The following PCDHGA2 variants were observed in gnomAD, a reference collection of about 807,000 sequenced individuals.
PCDHGA2 encodes the protein protocadherin gamma-A2.
PCDHGA2 carries 40 observed loss-of-function variants against 59.2 expected under a neutral mutation model. That is an observed-to-expected ratio of 0.68 (90% CI 0.52 to 0.88). The LOEUF is 0.88. Ranked by LOEUF, PCDHGA2 falls within the 40% of genes least tolerant of loss-of-function variation. The pLI is 0.00. For synonymous variants in PCDHGA2, 560 were observed against 526.0 expected (o/e 1.06, Z -0.89); for missense variants, 1,226 against 1,204.0 (o/e 1.02, Z -0.27).
intron 1 of PCDHGA2, chr5:141,384,370 T>C (rs769961814): frequency 1.9e-6 from 3 of 1,613,926 alleles, no homozygotes; most frequent in South Asian, 2.2e-5. Context: ...CACTTATTCC[T>C]TGGCCGAAGA....
chr5:141,456,426 A>G (rs2098857765), intron 1 of PCDHGA2, among the ~76,000 whole-genome samples: 1 of 152,210 alleles, frequency 6.6e-6, no homozygotes, highest in Non-Finnish European at 1.5e-5. Context: ...AATTCAAGTT[A>G]TAGTATTGAG....
chr5:141,357,324 C>T (rs1234132409), intron 1 of PCDHGA2: 1 of 1,613,980 alleles, frequency 6.2e-7, no homozygotes, highest in African/African-American at 1.3e-5. Context: ...TGGCTTTTGT[C>T]ACGGTGCTGC....
chr5:141,383,948 C>A, intron 1 of PCDHGA2: 1 of 1,613,600 alleles, frequency 6.2e-7, no homozygotes, highest in South Asian at 1.1e-5. Flanking sequence ...GTGACTATGA[C>A]GTCTTTAAGT....
At chr5:141,365,821 G>T (rs756787528) in intron 1 of PCDHGA2, 1 of 1,613,908 alleles carries the variant, frequency 6.2e-7, no homozygotes, top group East Asian at 2.2e-5. Flanking sequence ...ACACATTTCA[G>T]GGGGCGCCCT....
chr5:141,510,834 G>T, intron 3 of PCDHGA2, 113 bp from the exon 4 acceptor site: 1 of 1,581,880 alleles, frequency 6.3e-7, no homozygotes. Flanking sequence ...AGTGCTCAGC[G>T]TGGTCAAGGC....
rs1421670958 is a variant in PCDHGA2, at chr5:141,432,558, A to C, written c.2425-62249A>C. ...GTGGCGGTGGACAGAGACTCCGGCC[A>C]GAACGCCTGGCTGTCCTACCGTCTG... On this transcript the variant is annotated intron_variant, in intron 1 of 3. Transcript: ENST00000394576. This position sits in a 1 kb window ranked among gnomAD's most constrained non-coding sequence, Gnocchi z 6.0. The C allele has an allele frequency of 1.9e-6, 3 of 1,613,756 alleles. No individual in the cohort carries two copies. The highest frequency in any genetic ancestry group is 2.2e-5 in the South Asian group (2 of 91,060).
At chr5:141,415,982 T>G in intron 1 of PCDHGA2, 1 of 342,492 alleles carries the variant, frequency 2.9e-6, no homozygotes, top group Non-Finnish European at 4.9e-6. Flanking sequence ...AGCAACCCTC[T>G]TGTTCTGAAG....
intron 1 of PCDHGA2, chr5:141,372,658 G>A: frequency 1.9e-6 from 3 of 1,614,020 alleles, no homozygotes; most frequent in African/African-American, 1.3e-5. Context: ...TACAATCCGT[G>A]TGCTGCCTCA....
chr5:141,508,777 AG>A (rs1428861784), intron 3 of PCDHGA2, among the ~76,000 whole-genome samples: 3 of 150,778 alleles, frequency 2.0e-5, no homozygotes, highest in Non-Finnish European at 4.4e-5. Context: ...TCCCCCCTCT[AG>A]CCCCTAAATC....
At chr5:141,399,402 G>T (rs2093800599) in intron 1 of PCDHGA2, 2 of 1,613,898 alleles carry the variant, frequency 1.2e-6, no homozygotes, top group Non-Finnish European at 1.7e-6. Context: ...ACAGGGGCAA[G>T]CCGCCCCTCT....
chr5:141,422,750 T>C (rs778578440), intron 1 of PCDHGA2: 4 of 1,611,900 alleles, frequency 2.5e-6, no homozygotes, highest in Non-Finnish European at 3.4e-6. Flanking sequence ...TATGTCTCTA[T>C]TAACTCCAAC....
chr5:141,348,420 A>G (rs557706191), intron 1 of PCDHGA2, among the ~76,000 whole-genome samples: 3 of 152,358 alleles, frequency 2.0e-5, no homozygotes, highest in South Asian at 2.1e-4. Flanking sequence ...AAAGGCACGT[A>G]ACTTTTAACA....
At chr5:141,422,498 C>G in intron 1 of PCDHGA2, 1 of 1,613,966 alleles carries the variant, frequency 6.2e-7, no homozygotes. Context: ...ATAACGTTGA[C>G]AGCCACAGAC....
intron 1 of PCDHGA2, chr5:141,427,780 TGTCGTCCTAC>T (rs892399327): frequency 8.9e-6 from 13 of 1,455,886 alleles, no homozygotes; most frequent in Middle Eastern, 1.7e-4. Context: ...CTGCGGGCAC[TGTCGTCCTAC>T]GTGTCCGTGA....
rs181495329 is a variant in PCDHGA2, at chr5:141,489,120, G to A, written c.2425-5687G>A. ...AACTGCTGCAAGCAGGCAAACCTCC[G>A]AGCAGTTTTTAAGAGGCTGGAAGGA... is the stretch of plus-strand genomic sequence containing the variant. On this transcript the variant is annotated intron_variant, in intron 1 of 3. Coordinates refer to ENST00000394576, the MANE Select transcript of PCDHGA2 (RefSeq NM_018915.4). This position sits in a 1 kb window ranked among gnomAD's most constrained non-coding sequence, Gnocchi z 4.5. 1.8e-5 allele frequency: 8 copies of A among 445,672 alleles called. No homozygotes were observed. The East Asian group carries it at 1.9e-4, about 11-fold the overall frequency. The allele number at this position is 445,672 out of a possible 1,614,324, so 27.6% of individuals were successfully genotyped here.
rs1334650353 is a variant in PCDHGA2, at chr5:141,493,099, A to T, written c.2425-1708A>T. Among the ~76,000 whole-genome samples, 1 of 152,192 alleles carries T rather than the reference A, an allele frequency of 6.6e-6. No homozygotes were observed. Among genetic ancestry groups the T allele is most frequent in the East Asian group, 1.9e-4 (1 of 5,198 alleles). On this transcript the variant is annotated intron_variant, in intron 1 of 3. Coordinates refer to ENST00000394576, the MANE Select transcript of PCDHGA2 (RefSeq NM_018915.4). This position sits in a 1 kb window ranked among gnomAD's most constrained non-coding sequence, Gnocchi z 4.3. ...CTCCAGGAGCTTTTATTCAAAATAT[A>T]TCAATGCCTAACTCTGCTCCTAGGA... is the stretch of plus-strand genomic sequence containing the variant.
intron 1 of PCDHGA2, among the ~76,000 whole-genome samples, chr5:141,463,346 C>G (rs963070531): frequency 6.7e-6 from 1 of 150,312 alleles, no homozygotes; most frequent in Non-Finnish European, 1.5e-5. Context: ...TGGTGTTATT[C>G]TTGGATTTCC....
rs915039012 is a variant in PCDHGA2 at position 141,372,538 on chromosome 5, T to A, written c.2424+31143T>A. The stretch of plus-strand genomic sequence containing the variant: ...GTGATTCTGGCAATCTCCCTGCGCC[T>A]GCGATGCTCCTCCAGACCCGCCACT... On this transcript the variant is annotated intron_variant, in intron 1 of 3. Coordinates refer to ENST00000394576, the MANE Select transcript of PCDHGA2 (RefSeq NM_018915.4). The A allele has an allele frequency of 1.9e-6, 3 of 1,613,928 alleles. No homozygotes were observed. The African/African-American group carries it at 4.0e-5, about 22-fold the overall frequency.
At chr5:141,399,001 T>C in intron 1 of PCDHGA2, 1 of 1,613,890 alleles carries the variant, frequency 6.2e-7, no homozygotes, top group Non-Finnish European at 8.5e-7. Context: ...TAGTCTGAAT[T>C]CAAAGAGCGG....
Sources: gnomAD v4.1 joint callset for allele counts (sites outside exome capture counted in the v4.1 genomes callset) on GRCh38, gnomAD v4.1.1 for gene constraint, Gnocchi (gnomAD v3.1) non-coding constraint, MANE v1.5 for transcripts, NCBI Gene and HGNC (gene_info 2026-07-23, HGNC 2026-07-21) for gene names.